DNAJC1: variants seen among roughly 807,000 people sequenced by gnomAD.
The protein encoded by DNAJC1 is dnaJ homolog subfamily C member 1.
In DNAJC1, 58 loss-of-function variants were observed where a neutral mutation model predicts 76.6. That is an observed-to-expected ratio of 0.76 (90% CI 0.61 to 0.94). The LOEUF (loss-of-function observed/expected upper bound fraction) is 0.94, where lower values mean the gene tolerates loss of function less well. Among genes scored for constraint, DNAJC1 ranks in the 40% least tolerant of loss-of-function variants. The pLI, the probability that DNAJC1 is intolerant of heterozygous loss-of-function variation, is 0.00. For missense variants in DNAJC1, 689 were observed against 677.3 expected (o/e 1.02, Z -0.19); for synonymous variants, 258 against 267.9 (o/e 0.96, Z 0.36).
intron 1 of DNAJC1, among the ~76,000 whole-genome samples, chr10:21,957,112 G>C (rs1190651118): frequency 7.9e-5 from 12 of 151,840 alleles, no homozygotes; most frequent in Admixed American, 7.9e-4. Context: ...GGCTGGTCTT[G>C]AACTCCTGAC....
chr10:21,761,549 T>TAAA (rs369792978), intron 10 of DNAJC1, among the ~76,000 whole-genome samples: 110 of 131,466 alleles, frequency 8.4e-4, no homozygotes, highest in African/African-American at 3.0e-3. Context: ...AGACTCCGTC[T>TAAA]AAAAAAAAAA....
chr10:21,993,878 T>C (rs1347706567), intron 1 of DNAJC1, among the ~76,000 whole-genome samples: 5 of 152,206 alleles, frequency 3.3e-5, no homozygotes, highest in Non-Finnish European at 7.3e-5. Context: ...AGATCACTTT[T>C]TTTTTACCCA....
chr10:21,884,613 T>C (rs1836337978), intron 7 of DNAJC1, among the ~76,000 whole-genome samples: 1 of 152,142 alleles, frequency 6.6e-6, no homozygotes, highest in Non-Finnish European at 1.5e-5. Flanking sequence ...GTATGACTAT[T>C]TACTATTTCT....
chr10:21,892,649 A>G (rs1238140139), intron 7 of DNAJC1, among the ~76,000 whole-genome samples: 1 of 152,096 alleles, frequency 6.6e-6, no homozygotes, highest in Non-Finnish European at 1.5e-5. Flanking sequence ...CTCATTTCAA[A>G]TATAACAATA....
At chr10:21,845,436 C>T (rs1311323074) in intron 8 of DNAJC1, among the ~76,000 whole-genome samples, 1 of 149,758 alleles carries the variant, frequency 6.7e-6, no homozygotes, top group African/African-American at 2.5e-5. Flanking sequence ...CTCACTGCAA[C>T]CTCCGCCTCC....
chr10:21,843,379 CTTAGAGGTTTCCCTTTTTTTTTT>C (rs1835602642), intron 8 of DNAJC1, among the ~76,000 whole-genome samples: 1 of 149,916 alleles, frequency 6.7e-6, no homozygotes, highest in East Asian at 2.0e-4. Context: ...AGTACATTTA[CTTAGAGGTTTCCCTTTTTTTTTT>C]TTTTTTTTTG....
chr10:21,997,655 TG>T (rs1168295063), intron 1 of DNAJC1, among the ~76,000 whole-genome samples: 1 of 152,206 alleles, frequency 6.6e-6, no homozygotes, highest in Non-Finnish European at 1.5e-5. Context: ...CACGGATGAA[TG>T]GGCAATAATT....
At chr10:21,795,956 T>C (rs1445414677) in intron 9 of DNAJC1, among the ~76,000 whole-genome samples, 5 of 151,486 alleles carry the variant, frequency 3.3e-5, no homozygotes, top group East Asian at 1.9e-4. Context: ...TTGTCACATA[T>C]GGTGGGATTT....
rs549561885 is a variant in DNAJC1 at position 21,837,687 on chromosome 10, C to T, written c.979-31588G>A. On this transcript the variant is annotated intron_variant, in intron 8 of 11. Coordinates refer to ENST00000376980, the MANE Select transcript of DNAJC1 (RefSeq NM_022365.4). Reference sequence around the variant, plus strand: ...CCCCTCCGCCCGGCAGCCGCCCCGTCTGGGAAGTGAGGAGCCCCTCTGCCT... The same window carrying T: ...CCCCTCCGCCCGGCAGCCGCCCCGTTTGGGAAGTGAGGAGCCCCTCTGCCT... Among the ~76,000 whole-genome samples, 295 of 151,756 alleles carry T rather than the reference C, an allele frequency of 1.9e-3. 3 individuals carry two copies. The highest frequency in any genetic ancestry group is 6.8e-3 in the African/African-American group (281 of 41,374).
intron 8 of DNAJC1, among the ~76,000 whole-genome samples, chr10:21,822,917 C>T (rs1033818767): frequency 1.3e-5 from 2 of 150,934 alleles, no homozygotes; most frequent in African/African-American, 4.9e-5. Context: ...AAGTCCTAGA[C>T]ATAAACCAGG....
chr10:21,927,703 ATG>A (rs534837936), intron 3 of DNAJC1, among the ~76,000 whole-genome samples: 1 of 152,020 alleles, frequency 6.6e-6, no homozygotes, highest in East Asian at 1.9e-4. Context: ...TGTTTTAGTT[ATG>A]TGTGTGTGTG....
chr10:21,757,280 A>T (rs1465986220), intron 11 of DNAJC1, among the ~76,000 whole-genome samples: 1 of 152,136 alleles, frequency 6.6e-6, no homozygotes, highest in East Asian at 1.9e-4. Flanking sequence ...TACAGGCTGC[A>T]GAGCCGCCCA....
chr10:21,988,494 C>A (rs550808409), intron 1 of DNAJC1, among the ~76,000 whole-genome samples: 1 of 152,208 alleles, frequency 6.6e-6, no homozygotes, highest in East Asian at 1.9e-4. Context: ...TTACATATTT[C>A]TTTCCTTAAA....
chr10:21,851,435 A>G (rs563192643), intron 8 of DNAJC1, among the ~76,000 whole-genome samples: 4 of 152,294 alleles, frequency 2.6e-5, no homozygotes, highest in African/African-American at 9.6e-5. Flanking sequence ...ATATCACTGC[A>G]CACCCTAGGG....
At chr10:21,873,115 G>T (rs1447474071) in intron 8 of DNAJC1, among the ~76,000 whole-genome samples, 1 of 152,048 alleles carries the variant, frequency 6.6e-6, no homozygotes, top group Non-Finnish European at 1.5e-5. Flanking sequence ...CCCCCTGCTT[G>T]CTCAATAGAT....
chr10:21,893,556 G>T (rs1590036993), intron 7 of DNAJC1, among the ~76,000 whole-genome samples: 1 of 150,244 alleles, frequency 6.7e-6, no homozygotes, highest in African/African-American at 2.5e-5. Context: ...GAACCCAGGG[G>T]GCGGAGGTTG....
chr10:21,842,646 G>T (rs2131680589), intron 8 of DNAJC1, among the ~76,000 whole-genome samples: 1 of 152,312 alleles, frequency 6.6e-6, no homozygotes, highest in African/African-American at 2.4e-5. Context: ...AAGTCCTCAG[G>T]ATAGAATGAA....
intron 8 of DNAJC1, among the ~76,000 whole-genome samples, chr10:21,842,772 C>T (rs1359724115): frequency 6.6e-6 from 1 of 152,028 alleles, no homozygotes; most frequent in Non-Finnish European, 1.5e-5. Flanking sequence ...AGGATGGTCT[C>T]TAATAAAATT....
At chr10:21,771,896 G>A (rs1564783037) in intron 9 of DNAJC1, among the ~76,000 whole-genome samples, 1 of 152,180 alleles carries the variant, frequency 6.6e-6, no homozygotes, top group Non-Finnish European at 1.5e-5. Flanking sequence ...CCAACCTTGT[G>A]TTCCATGGTT....
Sources: allele counts gnomAD v4.1 joint callset (sites outside exome capture counted in the v4.1 genomes callset), GRCh38; gene constraint gnomAD v4.1.1; transcripts MANE v1.5; gene names NCBI Gene and HGNC (gene_info 2026-07-23, HGNC 2026-07-21).